The following CNTNAP2 variants were observed in gnomAD, a reference collection of about 807,000 sequenced individuals.
CNTNAP2 encodes contactin-associated protein-like 2.
In CNTNAP2, 98 loss-of-function variants were observed where a neutral mutation model predicts 155.2. That is an observed-to-expected ratio of 0.63 (90% CI 0.54 to 0.75). CNTNAP2 has a LOEUF of 0.75. Ranked by LOEUF, CNTNAP2 falls within the 30% of genes least tolerant of loss-of-function variation. The pLI, the probability that CNTNAP2 is intolerant of heterozygous loss-of-function variation, is 0.00. For synonymous variants in CNTNAP2, 651 were observed against 631.2 expected, an observed-to-expected ratio of 1.03 and a Z score of -0.47; for missense variants, 1,727 against 1,688.1, an observed-to-expected ratio of 1.02 and a Z score of -0.40.
At chr7:147,842,691 A>C (rs1798772818) in intron 13 of CNTNAP2, among the ~76,000 whole-genome samples, 1 of 99,044 alleles carries the variant, frequency 1.0e-5, no homozygotes, top group Non-Finnish European at 2.0e-5. Context: ...CGCTGCACCC[A>C]CTAACGTGTC....
At chr7:146,606,607 T>C (rs1799052263) in intron 1 of CNTNAP2, among the ~76,000 whole-genome samples, 1 of 152,226 alleles carries the variant, frequency 6.6e-6, no homozygotes, top group Admixed American at 6.5e-5. Context: ...TTATGTGGAA[T>C]CGATGCTATT....
At chr7:146,246,243 A>T (rs1307256319) in intron 1 of CNTNAP2, among the ~76,000 whole-genome samples, 1 of 149,716 alleles carries the variant, frequency 6.7e-6, no homozygotes, top group Non-Finnish European at 1.5e-5. Flanking sequence ...AGGTGGGGTA[A>T]TACAAGAGGA....
intron 12 of CNTNAP2, among the ~76,000 whole-genome samples, chr7:147,573,020 A>G (rs538198625): frequency 2.0e-5 from 3 of 152,238 alleles, no homozygotes; most frequent in Non-Finnish European, 2.9e-5. Context: ...TCTTTGTCCA[A>G]TCACCACAAC....
At chr7:146,218,946 A>G (rs1799161179) in intron 1 of CNTNAP2, among the ~76,000 whole-genome samples, 1 of 152,166 alleles carries the variant, frequency 6.6e-6, no homozygotes, top group South Asian at 2.1e-4. Context: ...ATTTTCACGC[A>G]TTATAAAGAC....
At chr7:148,382,877 G>A (rs1025276754) in intron 21 of CNTNAP2, among the ~76,000 whole-genome samples, 4 of 152,310 alleles carry the variant, frequency 2.6e-5, no homozygotes, top group African/African-American at 9.6e-5. Flanking sequence ...CTAAAACTTG[G>A]AACAGAGGGC....
At chr7:148,349,095 G>T (rs1798373133) in intron 21 of CNTNAP2, among the ~76,000 whole-genome samples, 1 of 151,966 alleles carries the variant, frequency 6.6e-6, no homozygotes. Context: ...TGACTTGCTG[G>T]TGAGAAAAAA....
intron 1 of CNTNAP2, among the ~76,000 whole-genome samples, chr7:146,617,848 A>G (rs1799252248): frequency 6.6e-6 from 1 of 152,200 alleles, no homozygotes; most frequent in Admixed American, 6.5e-5. Context: ...TAATAAAAGC[A>G]GCAAATATAA....
chr7:147,628,705 C>T (rs532423271), intron 12 of CNTNAP2, among the ~76,000 whole-genome samples: 3 of 151,968 alleles, frequency 2.0e-5, no homozygotes, highest in Non-Finnish European at 4.4e-5. Flanking sequence ...AATCCACCAA[C>T]AAAATATCTG....
chr7:148,398,525 G>A lies in CNTNAP2; in HGVS notation c.3716-10866G>A, dbSNP rs189510576. Among the ~76,000 whole-genome samples, 60 of 152,316 alleles carry A rather than the reference G, an allele frequency of 3.9e-4. No homozygotes were observed. In the East Asian group the frequency reaches 0.01, roughly 25 times the overall value. On this transcript the variant is annotated intron_variant, in intron 22 of 23. Transcript: ENST00000361727. ...AATAATATTCAGCCATTTCCAAAGG[G>A]TCCATCCACAGCCAAAGTATGGCCT...
intron 12 of CNTNAP2, among the ~76,000 whole-genome samples, chr7:147,616,356 C>G (rs1482009698): frequency 6.6e-6 from 1 of 152,164 alleles, no homozygotes; most frequent in Non-Finnish European, 1.5e-5. Context: ...TCAAGTCACA[C>G]TACTGCTTAA....
intron 1 of CNTNAP2, among the ~76,000 whole-genome samples, chr7:146,279,864 T>A (rs1800222652): frequency 6.6e-6 from 1 of 151,570 alleles, no homozygotes; most frequent in Non-Finnish European, 1.5e-5. Flanking sequence ...AAATAGGATA[T>A]TAGACATCTA....
intron 8 of CNTNAP2, among the ~76,000 whole-genome samples, chr7:147,292,120 T>C (rs567904367): frequency 3.4e-4 from 52 of 152,302 alleles, no homozygotes; most frequent in African/African-American, 9.9e-4. Context: ...GTGATTTTGA[T>C]GTCCTCTAGG....
chr7:147,575,260 C>A (rs1396435532), intron 12 of CNTNAP2, among the ~76,000 whole-genome samples: 1 of 124,578 alleles, frequency 8.0e-6, no homozygotes. Flanking sequence ...TGTGTGTATT[C>A]CCTAGCTTTA....
intron 16 of CNTNAP2, among the ~76,000 whole-genome samples, chr7:148,124,037 T>C (rs1804661439): frequency 6.6e-6 from 1 of 152,038 alleles, no homozygotes; most frequent in South Asian, 2.1e-4. Context: ...GGTAGAGACT[T>C]TAGCATTCAT....
At chr7:147,096,753 C>T (rs1049056926) in intron 4 of CNTNAP2, among the ~76,000 whole-genome samples, 6 of 152,182 alleles carry the variant, frequency 3.9e-5, no homozygotes, top group Admixed American at 1.3e-4. Flanking sequence ...TCAACCTCTT[C>T]TTCATGGCCC....
intron 10 of CNTNAP2, among the ~76,000 whole-genome samples, chr7:147,421,622 G>GAT (rs1047897144): frequency 1.3e-4 from 6 of 45,196 alleles, no homozygotes; most frequent in Middle Eastern, 0.011. Context: ...TGTATGCTGA[G>GAT]ATATATATAC....
chr7:147,193,381 A>T (rs1190130633), intron 8 of CNTNAP2, among the ~76,000 whole-genome samples: 1 of 151,648 alleles, frequency 6.6e-6, no homozygotes, highest in Non-Finnish European at 1.5e-5. Context: ...TGTGTAGATT[A>T]TTCTATTTAT....
At position 146,660,681 on chromosome 7, in the gene CNTNAP2, C is replaced by T. The variant is rs575080860; in HGVS notation, c.98-113590C>T. 3.3e-4 allele frequency among the ~76,000 whole-genome samples: 50 copies of T among 152,212 alleles called. No individual in the cohort carries two copies. The East Asian group carries it at 3.7e-3, about 11-fold the overall frequency. On this transcript the variant is annotated intron_variant, in intron 1 of 23. Coordinates refer to ENST00000361727, the MANE Select transcript of CNTNAP2 (RefSeq NM_014141.6). ...TTCAGATGTCTCTAATGGTTAGAAACGCTTTATATTAAACTGATTTTTTTC... is the reference window on the plus strand; with the variant it reads ...TTCAGATGTCTCTAATGGTTAGAAATGCTTTATATTAAACTGATTTTTTTC...
chr7:146,237,980 A>G (rs1312628632), intron 1 of CNTNAP2, among the ~76,000 whole-genome samples: 1 of 152,176 alleles, frequency 6.6e-6, no homozygotes, highest in African/African-American at 2.4e-5. Context: ...TTTCAAATCT[A>G]AATATCTGTC....
Sources: allele counts gnomAD v4.1 joint callset (sites outside exome capture counted in the v4.1 genomes callset), GRCh38; gene constraint gnomAD v4.1.1; transcripts MANE v1.5; gene names NCBI Gene and HGNC (gene_info 2026-07-23, HGNC 2026-07-21).